UBE2D2: variants seen among roughly 807,000 people sequenced by gnomAD.
UBE2D2 encodes ubiquitin conjugating enzyme E2 D2.
UBE2D2 carries 2 observed loss-of-function variants against 24.2 expected under a neutral mutation model. That is an observed-to-expected ratio of 0.08 (90% CI 0.03 to 0.26). The LOEUF is 0.26. Ranked by LOEUF, UBE2D2 falls within the 10% of genes least tolerant of loss-of-function variation. The pLI is 1.00. For missense variants in UBE2D2, 44 were observed against 177.6 expected, an observed-to-expected ratio of 0.25 and a Z score of 4.28; for synonymous variants, 58 against 56.5, an observed-to-expected ratio of 1.03 and a Z score of -0.12.
chr5:139,580,239 A>G (rs575301314), intron 1 of UBE2D2, among the ~76,000 whole-genome samples: 1 of 151,690 alleles, frequency 6.6e-6, no homozygotes, highest in East Asian at 2.0e-4. Context: ...AATTTTTTGT[A>G]TTTTTATTAG....
chr5:139,564,477 G>A (rs1365762975), intron 1 of UBE2D2, among the ~76,000 whole-genome samples: 3 of 150,242 alleles, frequency 2.0e-5, no homozygotes, highest in Non-Finnish European at 3.0e-5. Context: ...TTTTGGAGAC[G>A]GAGTCTCCCT....
chr5:139,592,931 G>A (rs1186121938), intron 1 of UBE2D2, among the ~76,000 whole-genome samples: 1 of 147,898 alleles, frequency 6.8e-6, no homozygotes, highest in Non-Finnish European at 1.5e-5. Context: ...AAGAGTTTCA[G>A]TAATCTTAAA....
At chr5:139,528,684 A>T (rs930233459) in intron 1 of UBE2D2, among the ~76,000 whole-genome samples, 4 of 152,238 alleles carry the variant, frequency 2.6e-5, no homozygotes, top group Admixed American at 2.0e-4. Context: ...GACTAACTAG[A>T]TACCAAAGCT....
At chr5:139,607,378 T>C (rs1343817005) in intron 2 of UBE2D2, among the ~76,000 whole-genome samples, 1 of 152,202 alleles carries the variant, frequency 6.6e-6, no homozygotes, top group Non-Finnish European at 1.5e-5. Context: ...GTACTGTAGA[T>C]TCTAGATCAT....
intron 1 of UBE2D2, among the ~76,000 whole-genome samples, chr5:139,582,318 A>G (rs935639626): frequency 4.0e-5 from 6 of 150,678 alleles, no homozygotes; most frequent in Admixed American, 6.7e-5. Context: ...GCCGGAGTGC[A>G]GTGGTATGAT....
At chr5:139,530,083 G>T (rs962327748) in intron 1 of UBE2D2, among the ~76,000 whole-genome samples, 1 of 152,190 alleles carries the variant, frequency 6.6e-6, no homozygotes, top group Non-Finnish European at 1.5e-5. Context: ...ATCCTGTAAG[G>T]TGGCTTAGTT....
At chr5:139,623,521 T>C in intron 6 of UBE2D2, 60 bp downstream of exon 6, 1 of 1,428,448 alleles carries the variant, frequency 7.0e-7, no homozygotes, top group Non-Finnish European at 9.8e-7. Context: ...TTGTCACAAA[T>C]CTTTCTTGTT....
intron 1 of UBE2D2, among the ~76,000 whole-genome samples, chr5:139,532,968 C>T (rs1268925626): frequency 6.6e-6 from 1 of 151,744 alleles, no homozygotes; most frequent in Admixed American, 6.6e-5. Context: ...ATTAGCTGGG[C>T]GTGGTGGCAC....
intron 5 of UBE2D2, among the ~76,000 whole-genome samples, chr5:139,619,496 A>C (rs1041621285): frequency 6.6e-6 from 1 of 152,186 alleles, no homozygotes; most frequent in Non-Finnish European, 1.5e-5. Flanking sequence ...ATCTTTACAG[A>C]AGAAGGTATA....
intron 1 of UBE2D2, among the ~76,000 whole-genome samples, chr5:139,567,386 C>A (rs1365689245): frequency 6.6e-6 from 1 of 151,958 alleles, no homozygotes; most frequent in African/African-American, 2.4e-5. Context: ...GCATGAGACA[C>A]CGTGCCCGGC....
chr5:139,533,649 C>G (rs562144144), intron 1 of UBE2D2, among the ~76,000 whole-genome samples: 1 of 146,580 alleles, frequency 6.8e-6, no homozygotes, highest in East Asian at 2.0e-4. Flanking sequence ...TAAACTCCGT[C>G]TCAAAAAAAA....
intron 1 of UBE2D2, among the ~76,000 whole-genome samples, chr5:139,584,986 C>T (rs1233067585): frequency 2.0e-5 from 3 of 151,328 alleles, no homozygotes; most frequent in Non-Finnish European, 4.4e-5. Flanking sequence ...CTGCAACCTC[C>T]ATCTCTTGGG....
chr5:139,562,019 T>C, intron 1 of UBE2D2: 2 of 857,440 alleles, frequency 2.3e-6, no homozygotes, highest in Non-Finnish European at 3.4e-6. Flanking sequence ...GGAGGTGCTC[T>C]CGCGGCCTCA....
chr5:139,593,054 G>A (rs1753877890), intron 1 of UBE2D2, among the ~76,000 whole-genome samples: 2 of 145,478 alleles, frequency 1.4e-5, no homozygotes, highest in Non-Finnish European at 3.0e-5. Flanking sequence ...GGAGTGCAGT[G>A]GTGTGATCTC....
intron 1 of UBE2D2, among the ~76,000 whole-genome samples, chr5:139,535,759 T>A (rs1454467344): frequency 6.6e-6 from 1 of 152,244 alleles, no homozygotes; most frequent in Non-Finnish European, 1.5e-5. Context: ...TTTTTATTAT[T>A]ATGGAACATC....
At position 139,549,741 on chromosome 5, in the gene UBE2D2, G is replaced by A. The variant is rs113797505; in HGVS notation, c.-64+23129G>A. Among the ~76,000 whole-genome samples, 24 of 152,350 alleles carry A rather than the reference G, an allele frequency of 1.6e-4. 2 individuals are homozygous for A. The highest frequency in any genetic ancestry group is 4.6e-4 in the African/African-American group (19 of 41,602). On this transcript the variant is annotated intron_variant, in intron 1 of 6. Coordinates refer to the UBE2D2 transcript ENST00000511725. ...GCTGAGGAGTGCAGCTGCGCAGAGC[G>A]GGACTAGCGGGCAACTCCGCCCCGG...
intron 1 of UBE2D2, among the ~76,000 whole-genome samples, chr5:139,579,002 C>G (rs192811857): frequency 3.2e-4 from 49 of 152,310 alleles, no homozygotes; most frequent in Admixed American, 2.0e-3. Context: ...AAGTCTCACT[C>G]TGTTGCCCAG....
intron 6 of UBE2D2, among the ~76,000 whole-genome samples, chr5:139,625,933 T>C (rs1754617929): frequency 6.6e-6 from 1 of 151,960 alleles, no homozygotes; most frequent in African/African-American, 2.4e-5. Flanking sequence ...AGGAGAATTA[T>C]AGAATCATTT....
intron 2 of UBE2D2, among the ~76,000 whole-genome samples, chr5:139,604,892 A>G (rs890344845): frequency 6.6e-6 from 1 of 152,164 alleles, no homozygotes; most frequent in East Asian, 1.9e-4. Context: ...AAAAAAAAAA[A>G]AAAACAAGTA....
Sources: allele counts gnomAD v4.1 joint callset (sites outside exome capture counted in the v4.1 genomes callset), GRCh38; gene constraint gnomAD v4.1.1; transcripts MANE v1.5; gene names NCBI Gene and HGNC (gene_info 2026-07-23, HGNC 2026-07-21).